Variants in RNF130 observed in about 807,000 individuals in gnomAD.
RNF130 encodes ring finger protein 130, also known as E3 ubiquitin-protein ligase RNF130.
In RNF130, 21 loss-of-function variants were observed where a neutral mutation model predicts 44.6. The observed-to-expected ratio is 0.47, with a 90% CI of 0.33 to 0.68. RNF130 has a LOEUF of 0.68. RNF130 is among the 30% of genes least tolerant of loss of function. The pLI is 0.02. For synonymous variants in RNF130, 214 were observed against 210.4 expected (o/e 1.02, Z -0.15); for missense variants, 479 against 560.6 (o/e 0.85, Z 1.47).
At chr5:179,987,049 G>T (rs1762969058) in intron 3 of RNF130, among the ~76,000 whole-genome samples, 1 of 152,106 alleles carries the variant, frequency 6.6e-6, no homozygotes. Context: ...AGTTTTTGGT[G>T]AACTCTTTGT....
intron 7 of RNF130, among the ~76,000 whole-genome samples, chr5:179,920,795 A>ATTTTTTTT (rs71959214): frequency 7.0e-6 from 1 of 143,432 alleles, no homozygotes; most frequent in African/African-American, 2.6e-5. Flanking sequence ...ATATATATAT[A>ATTTTTTTT]TTTTTTTTTT....
intron 2 of RNF130, among the ~76,000 whole-genome samples, chr5:180,026,517 C>T (rs1041319325): frequency 1.3e-5 from 2 of 152,196 alleles, no homozygotes; most frequent in African/African-American, 4.8e-5. Context: ...TGAAACCACA[C>T]AATGAGTAGC....
intron 3 of RNF130, among the ~76,000 whole-genome samples, chr5:180,012,471 A>G (rs1359017932): frequency 1.3e-5 from 2 of 152,274 alleles, no homozygotes; most frequent in South Asian, 2.1e-4. Context: ...ACACCGGGGA[A>G]GCACACTGCT....
At chr5:180,024,392 A>G (rs549726741) in intron 2 of RNF130, among the ~76,000 whole-genome samples, 1 of 152,348 alleles carries the variant, frequency 6.6e-6, no homozygotes, top group South Asian at 2.1e-4. Flanking sequence ...GTTTGCAGAC[A>G]TTCTTTGTAC....
At chr5:179,958,749 C>T (rs759729030) in intron 8 of RNF130, among the ~76,000 whole-genome samples, 2 of 152,036 alleles carry the variant, frequency 1.3e-5, no homozygotes, top group Non-Finnish European at 2.9e-5. Context: ...TGCAATGGGG[C>T]GATCTCGGCT....
chr5:180,050,468 G>A (rs1764663345), intron 1 of RNF130, among the ~76,000 whole-genome samples: 2 of 152,282 alleles, frequency 1.3e-5, no homozygotes, highest in South Asian at 2.1e-4. Flanking sequence ...CCATTCAAAC[G>A]TTAACCTCGT....
At chr5:180,013,035 C>G in intron 3 of RNF130, 26 bp downstream of exon 3, 3 of 1,595,698 alleles carry the variant, frequency 1.9e-6, no homozygotes, top group Non-Finnish European at 2.6e-6. Context: ...TGTTACGAAC[C>G]AATCACTGTT....
chr5:179,928,574 T>G (rs1670428917), intron 7 of RNF130, among the ~76,000 whole-genome samples: 1 of 152,166 alleles, frequency 6.6e-6, no homozygotes, highest in Admixed American at 6.5e-5. Context: ...GTGAGTCCTT[T>G]GTGAGTTAAG....
At chr5:179,974,948 G>T (rs1237280236) in intron 5 of RNF130, among the ~76,000 whole-genome samples, 1 of 152,282 alleles carries the variant, frequency 6.6e-6, no homozygotes, top group Non-Finnish European at 1.5e-5. Flanking sequence ...GCAGTCAATG[G>T]TGAAGCGGTC....
chr5:179,933,267 A>G (rs1022550744), intron 7 of RNF130, among the ~76,000 whole-genome samples: 22 of 147,444 alleles, frequency 1.5e-4, no homozygotes, highest in African/African-American at 6.0e-4. Flanking sequence ...TAAACTATGG[A>G]TTCAATTTAT....
At chr5:179,972,091 C>A (rs557007107) in intron 5 of RNF130, among the ~76,000 whole-genome samples, 2 of 152,326 alleles carry the variant, frequency 1.3e-5, no homozygotes, top group South Asian at 4.1e-4. Flanking sequence ...ACATTCAGTA[C>A]ACCTAAGGCG....
Position 180,040,318 on chromosome 5 carries a change from A to T in RNF130, c.442+135T>A, listed in dbSNP as rs143055899. 3.6e-4 allele frequency: 285 copies of T among 788,038 alleles called. 1 individual carries two copies. In the African/African-American group the frequency reaches 4.1e-3, roughly 11 times the overall value. The allele number at this position is 788,038 out of a possible 1,614,324, so 48.8% of individuals were successfully genotyped here. The stretch of plus-strand genomic sequence containing the variant: ...ATTCAACTATGGGGAAAAAACATGC[A>T]TCCCAACAAACAAATGGCAATACTA... On this transcript the variant is annotated intron_variant, in intron 2 of 8. Transcript: ENST00000521389.
Position 180,071,592 on chromosome 5 carries a change from C to G in RNF130, c.111G>C (p.Ala37=). The change falls in exon 1 of 9, where the codon GCG becomes GCC. Residue 37 remains alanine (A), a synonymous_variant. Transcript: ENST00000521389. ...ADNASQEYYT[A]LINVTVQEPG... is the part of the protein sequence containing the mutation. ...GCTCCTGCACCGTCACGTTGATGAGCGCCGTGTAGTACTCCTGGCTCGCGT... is the reference window on the plus strand; with the variant it reads ...GCTCCTGCACCGTCACGTTGATGAGGGCCGTGTAGTACTCCTGGCTCGCGT... 6.7e-7 allele frequency: 1 copy of G among 1,502,928 alleles called. No individual in the cohort carries two copies. Among genetic ancestry groups the G allele is most frequent in the Non-Finnish European group, 8.9e-7 (1 of 1,123,288 alleles). 93.1% of individuals were successfully genotyped at this position (1,502,928 alleles called of 1,614,324 possible).
At chr5:180,016,051 C>A (rs1392312848) in intron 2 of RNF130, among the ~76,000 whole-genome samples, 1 of 152,198 alleles carries the variant, frequency 6.6e-6, no homozygotes, top group East Asian at 1.9e-4. Flanking sequence ...AGAAGCCGCT[C>A]GCGGTGGCGT....
At chr5:180,002,683 A>G (rs1763370745) in intron 3 of RNF130, among the ~76,000 whole-genome samples, 1 of 152,120 alleles carries the variant, frequency 6.6e-6, no homozygotes, top group Admixed American at 6.6e-5. Flanking sequence ...CCTGGTTCCC[A>G]GCTGATCCTG....
At chr5:179,981,971 C>T (rs1253699144) in intron 3 of RNF130, among the ~76,000 whole-genome samples, 2 of 152,184 alleles carry the variant, frequency 1.3e-5, no homozygotes, top group Non-Finnish European at 2.9e-5. Context: ...GAAATCTACG[C>T]TGTTTTCATT....
At chr5:180,006,500 G>C (rs922701970) in intron 3 of RNF130, among the ~76,000 whole-genome samples, 8 of 152,104 alleles carry the variant, frequency 5.3e-5, no homozygotes, top group African/African-American at 1.9e-4. Context: ...TACTTATAAA[G>C]TCAAAGAATA....
intron 3 of RNF130, among the ~76,000 whole-genome samples, chr5:179,985,822 T>C (rs935936148): frequency 6.6e-5 from 10 of 152,202 alleles, no homozygotes; most frequent in Non-Finnish European, 1.5e-4. Context: ...AAATGTCCTT[T>C]GTGGCACTTT....
chr5:179,940,320 A>C (rs270336), intron 7 of RNF130, among the ~76,000 whole-genome samples: 9,473 of 151,488 alleles, frequency 0.063, 861 homozygotes, highest in African/African-American at 0.2. Flanking sequence ...TCCCAGGTTC[A>C]AGCGGTTCTC....
Sources: allele counts gnomAD v4.1 joint callset (sites outside exome capture counted in the v4.1 genomes callset), GRCh38; gene constraint gnomAD v4.1.1; transcripts MANE v1.5; gene names NCBI Gene and HGNC (gene_info 2026-07-23, HGNC 2026-07-21).